Variants in ZNF208 observed in about 807,000 individuals in gnomAD.
ZNF208 encodes zinc finger protein 95.
In ZNF208, 10 loss-of-function variants were observed where a neutral mutation model predicts 12.1. The observed-to-expected ratio is 0.83, with a 90% CI of 0.51 to 1.40. ZNF208 has a LOEUF of 1.40. ZNF208 is among the 40% of genes most tolerant of loss of function. The pLI is 0.00. For missense variants in ZNF208, 1,652 were observed against 1,485.0 expected (o/e 1.11, Z -1.85); for synonymous variants, 497 against 488.4 (o/e 1.02, Z -0.23).
At chr19:21,957,417 G>T (rs1052981273) in intron 4 of ZNF208, among the ~76,000 whole-genome samples, 1 of 152,172 alleles carries the variant, frequency 6.6e-6, no homozygotes, top group Non-Finnish European at 1.5e-5. Flanking sequence ...GGGAGGGTTT[G>T]TTTTCCTTTA....
In ZNF208 at chr19:21,969,898, G is replaced by A. The variant is rs1227437555; in HGVS notation, c.*1293C>T. ...TAATAAGCTGTGAGAAGATATTACT[G>A]GCATTAACAAAAATTTTTTTTTCCA... is the stretch of plus-strand genomic sequence containing the variant. On this transcript the variant is annotated 3_prime_UTR_variant, in exon 4 of 4. Transcript: ENST00000397126. 1.3e-5 allele frequency among the ~76,000 whole-genome samples: 2 copies of A among 151,872 alleles called. No individual in the cohort carries two copies. Among genetic ancestry groups the A allele is most frequent in the Non-Finnish European group, 2.9e-5 (2 of 68,006 alleles).
At chr19:21,948,016 A>G (rs572328653) in intron 4 of ZNF208, among the ~76,000 whole-genome samples, 1 of 152,206 alleles carries the variant, frequency 6.6e-6, no homozygotes, top group East Asian at 1.9e-4. Flanking sequence ...GGTAACATCT[A>G]TGATGGTGGC....
chr19:21,956,504 T>C (rs1472498730), intron 4 of ZNF208, among the ~76,000 whole-genome samples: 1 of 152,150 alleles, frequency 6.6e-6, no homozygotes, highest in Non-Finnish European at 1.5e-5. Flanking sequence ...AGGTTCCCAG[T>C]CATTTTGGTT....
chr19:22,009,183 G>A (rs1971099840), intron 1 of ZNF208, among the ~76,000 whole-genome samples: 1 of 152,100 alleles, frequency 6.6e-6, no homozygotes, highest in Non-Finnish European at 1.5e-5. Context: ...ATTACAATAG[G>A]TATCAAAATG....
intron 1 of ZNF208, among the ~76,000 whole-genome samples, chr19:21,993,189 G>C (rs1451831884): frequency 1.3e-5 from 2 of 151,986 alleles, no homozygotes; most frequent in African/African-American, 4.8e-5. Context: ...TCTTTATTTT[G>C]TCCTCAGGAG....
In ZNF208 at chr19:21,966,692, C is replaced by T. The variant is rs1223249807; in HGVS notation, c.*4499G>A. 1 of 152,096 alleles carries T rather than the reference C, an allele frequency of 6.6e-6. No individual in the cohort carries two copies. Among genetic ancestry groups the T allele is most frequent in the Admixed American group, 6.6e-5 (1 of 15,248 alleles). The allele number at this position is 152,096 out of a possible 1,614,324, so 9.4% of individuals were successfully genotyped here. A position where few individuals can be genotyped will look rare whatever the true frequency, so the allele number is the denominator to read the frequency against. On this transcript the variant is annotated 3_prime_UTR_variant, in exon 4 of 4. Transcript: ENST00000397126. ...TTTGAGAAGTCCCCAAACTGCTTTGCACAGGTTCTGAATTAATTTGCATTC... is the reference window on the plus strand; with the variant it reads ...TTTGAGAAGTCCCCAAACTGCTTTGTACAGGTTCTGAATTAATTTGCATTC...
rs1970239385 is a variant in ZNF208, at chr19:21,969,533, C to T, written c.*1658G>A. On this transcript the variant is annotated 3_prime_UTR_variant, in exon 4 of 4. Coordinates refer to ENST00000397126, the MANE Select transcript of ZNF208 (RefSeq NM_007153.3). The stretch of plus-strand genomic sequence containing the variant: ...TAAATATTTTTTATATTTACTGTAT[C>T]TGCAAAAACATATTTTAGTATAAAC... 6.6e-6 allele frequency among the ~76,000 whole-genome samples: 1 copy of T among 152,070 alleles called. No homozygotes were observed. The highest frequency in any genetic ancestry group is 2.4e-5 in the African/African-American group (1 of 41,410).
rs372093784 is a variant in ZNF208 at position 21,955,546 on chromosome 19, T to A, written c.305+19183A>T. Among the ~76,000 whole-genome samples the A allele has an allele frequency of 4.6e-5, 7 of 152,246 alleles. No individual in the cohort carries two copies. In the East Asian group the frequency reaches 9.6e-4, roughly 21 times the overall value. On this transcript the variant is annotated intron_variant, in intron 4 of 4. Transcript: ENST00000599916. ...TCATTTCTTTTTACTCTTGTTTCTC[T>A]AAACTTTTCTTCTCACTTCATTTCA...
At chr19:21,941,066 G>T (rs1173037533) in intron 4 of ZNF208, 1 of 290,138 alleles carries the variant, frequency 3.4e-6, no homozygotes, top group African/African-American at 2.2e-5. Context: ...GAGGTGCCCC[G>T]CAGAGGAGGC....
chr19:21,956,227 T>G (rs1208056683), intron 4 of ZNF208, among the ~76,000 whole-genome samples: 3 of 152,188 alleles, frequency 2.0e-5, no homozygotes, highest in Non-Finnish European at 4.4e-5. Context: ...CCCGGCTGTA[T>G]GAGGTGTCAG....
intron 3 of ZNF208, chr19:21,986,908 TA>T: frequency 2.4e-6 from 1 of 413,600 alleles, no homozygotes; most frequent in Non-Finnish European, 4.2e-6. Flanking sequence ...ATCATGCAGA[TA>T]TCTGTGTGTC....
chr19:21,972,215 G>C lies in ZNF208; in HGVS notation c.2819C>G (p.Ala940Gly). ...SVFSKHKKTH[A>G]GEKFYKCEAC... Reference sequence around the variant, plus strand: ...TTCACATTTGTAGAATTTCTCTCCAGCATGAGTTTTCTTATGTTTACTAAA... The same window carrying C: ...TTCACATTTGTAGAATTTCTCTCCACCATGAGTTTTCTTATGTTTACTAAA... The change falls in exon 4 of 4, where the codon GCT (alanine) becomes GGT (glycine). Residue 940 changes from alanine (A) to glycine (G), a missense_variant. Physicochemically the swap from Ala to Gly is moderately conservative, Grantham distance 60. Transcript: ENST00000397126. The C allele has an allele frequency of 1.2e-6, 2 of 1,613,128 alleles. No individual in the cohort carries two copies. Among genetic ancestry groups the C allele is most frequent in the Non-Finnish European group, 1.7e-6 (2 of 1,179,802 alleles).
chr19:21,983,306 T>C (rs570437946), intron 3 of ZNF208, among the ~76,000 whole-genome samples: 86 of 152,242 alleles, frequency 5.6e-4, no homozygotes, highest in Admixed American at 9.8e-4. Context: ...CAAAATGAGA[T>C]ACCATCTCAT....
intron 4 of ZNF208, among the ~76,000 whole-genome samples, chr19:21,955,821 CCTT>C (rs1207673410): frequency 6.6e-6 from 1 of 152,172 alleles, no homozygotes; most frequent in Non-Finnish European, 1.5e-5. Flanking sequence ...TCGTCTGAAG[CCTT>C]CTTCTCTCAA....
intron 1 of ZNF208, among the ~76,000 whole-genome samples, chr19:21,992,311 T>C (rs1970755110): frequency 6.6e-6 from 1 of 152,188 alleles, no homozygotes; most frequent in Non-Finnish European, 1.5e-5. Context: ...TGCTGAGATA[T>C]TGCCCCCTGA....
At position 22,001,892 on chromosome 19, in the gene ZNF208, C is replaced by CAAAAAAAAAAAAA. The variant is rs58939967; in HGVS notation, c.3+8887_3+8899dup. Among the ~76,000 whole-genome samples the CAAAAAAAAAAAAA allele has an allele frequency of 4.7e-3, 348 of 74,086 alleles. 66 individuals are homozygous for CAAAAAAAAAAAAA. Among genetic ancestry groups the CAAAAAAAAAAAAA allele is most frequent in the Non-Finnish European group, 5.4e-3 (198 of 36,766 alleles). 48.6% of individuals were successfully genotyped at this position (74,086 alleles called of 152,430 possible). The stretch of plus-strand genomic sequence containing the variant: ...TGGATGACACAGTGAGACTCCATCC[C>CAAAAAAAAAAAAA]AAAAAAAAAAAAAAAAAAAAAAAAA... On this transcript the variant is annotated intron_variant, in intron 1 of 3. Coordinates refer to ENST00000397126, the MANE Select transcript of ZNF208 (RefSeq NM_007153.3).
intron 4 of ZNF208, chr19:21,940,578 C>A (rs76319388): frequency 0.094 from 14,305 of 152,120 alleles, 1,534 homozygotes; most frequent in African/African-American, 0.27. Context: ...CTCTCTCTCT[C>A]TATATATATT....
chr19:21,971,789 T>A lies in ZNF208; in HGVS notation c.3245A>T (p.Glu1082Val), dbSNP rs755754793. 5.6e-6 allele frequency: 9 copies of A among 1,613,886 alleles called. No individual in the cohort carries two copies. In the Admixed American group the frequency reaches 1.5e-4, roughly 27 times the overall value. Reference protein sequence around the residue: ...LTEHKATHAGEEPYKCEECGK... With the variant: ...LTEHKATHAGVEPYKCEECGK... ...ACATTCTTCACATTTGTAGGGTTCC[T>A]CTCCAGCATGAGTTGCCTTATGTTC... The change falls in exon 4 of 4, where the codon GAG (glutamate) becomes GTG (valine). Residue 1082 changes from glutamate to valine, a missense_variant. Physicochemically the swap from Glu to Val is moderately radical, Grantham distance 121. Around this residue, in one of 3 missense-constraint regions of ZNF208, gnomAD observed 1,239 missense variants for 1,086.2 expected, o/e 1.14. Coordinates refer to ENST00000397126, the MANE Select transcript of ZNF208 (RefSeq NM_007153.3).
chr19:22,005,580 T>G (rs931320674), intron 1 of ZNF208, among the ~76,000 whole-genome samples: 1 of 152,094 alleles, frequency 6.6e-6, no homozygotes, highest in African/African-American at 2.4e-5. Context: ...GATTCAGGGC[T>G]CAGTCCCACA....
Sources: allele counts gnomAD v4.1 joint callset (sites outside exome capture counted in the v4.1 genomes callset), GRCh38; gene constraint gnomAD v4.1.1; regional missense constraint gnomAD v4.1.1; transcripts MANE v1.5; gene names NCBI Gene and HGNC (gene_info 2026-07-23, HGNC 2026-07-21).